GNL3L: variants seen among roughly 807,000 people sequenced by gnomAD.
GNL3L encodes the protein G protein nucleolar 3 like, also known as guanine nucleotide-binding protein-like 3-like protein.
In GNL3L, 4 loss-of-function variants were observed where a neutral mutation model predicts 42.9. The observed-to-expected ratio is 0.09, with a 90% CI of 0.05 to 0.21. The LOEUF is 0.21. Among genes scored for constraint, GNL3L ranks in the 10% least tolerant of loss-of-function variants. GNL3L has a pLI of 1.00. For synonymous variants in GNL3L, 159 were observed against 176.3 expected (o/e 0.90, Z 0.78); for missense variants, 412 against 481.7 (o/e 0.86, Z 1.36).
rs766441455 is a variant in GNL3L, at chrX:54,594,541, CTTTTTT to C, written c.*46-26296_*46-26291del. ...TCTTGTCAGCAACAGATCATTGGGC[CTTTTTT>C]TTTTTTTAAAAAAAAATCTATTCAG... On this transcript the variant is annotated intron_variant, in intron 16 of 16. Coordinates refer to the GNL3L transcript ENST00000674498. Among the ~76,000 whole-genome samples the C allele has an allele frequency of 3.5e-3, 336 of 95,133 alleles. 2 individuals are homozygous for C. The highest frequency in any genetic ancestry group is 0.012 in the African/African-American group (313 of 26,002). The allele number at this position is 95,133 out of a possible 115,157, so 82.6% of individuals were successfully genotyped here.
At chrX:54,579,356 C>A in intron 16 of GNL3L, among the ~76,000 whole-genome samples, 1 of 111,578 alleles carries the variant, frequency 9.0e-6, no homozygotes, top group Non-Finnish European at 1.9e-5. Flanking sequence ...AAAGTTAAGT[C>A]TATTACCATT....
intron 16 of GNL3L, among the ~76,000 whole-genome samples, chrX:54,607,875 A>G (rs1475498723): frequency 8.9e-6 from 1 of 111,950 alleles, no homozygotes; most frequent in African/African-American, 3.2e-5. Flanking sequence ...CAGAAGTAGA[A>G]TGAATAAATA....
rs750424924 is a variant in GNL3L, at chrX:54,562,221, T to G, written c.*1619T>G. On this transcript the variant is annotated 3_prime_UTR_variant, in exon 16 of 16. Coordinates refer to ENST00000360845, the MANE Select transcript of GNL3L (RefSeq NM_001184819.2). ...CCACCACGCCTGGCTAGTTTTTGTA[T>G]TTTTAGTAGAGACGATGTTTCACCA... is the stretch of plus-strand genomic sequence containing the variant. Among the ~76,000 whole-genome samples, 123 of 112,121 alleles carry G rather than the reference T, an allele frequency of 1.1e-3. No individual in the cohort carries two copies. Among genetic ancestry groups the G allele is most frequent in the African/African-American group, 3.6e-3 (112 of 30,884 alleles).
At chrX:54,604,284 T>A (rs1926033552) in intron 16 of GNL3L, among the ~76,000 whole-genome samples, 1 of 112,219 alleles carries the variant, frequency 8.9e-6, no homozygotes, top group African/African-American at 3.2e-5. Flanking sequence ...AATAAATCAT[T>A]ATACTGTAGT....
chrX:54,531,711 T>A (rs184190044), intron 1 of GNL3L, among the ~76,000 whole-genome samples: 2 of 111,555 alleles, frequency 1.8e-5, no homozygotes, highest in Admixed American at 1.9e-4. Context: ...ATATCGATCC[T>A]GTACCACAGC....
chrX:54,559,882 A>T (rs1925208708), intron 15 of GNL3L, among the ~76,000 whole-genome samples: 1 of 111,997 alleles, frequency 8.9e-6, no homozygotes, highest in Non-Finnish European at 1.9e-5. Flanking sequence ...AGTCCTGGGA[A>T]TTCAGATGAA....
rs1925306494 is a variant in GNL3L, at chrX:54,562,707, C to T, written c.*2105C>T. 9.1e-6 allele frequency among the ~76,000 whole-genome samples: 1 copy of T among 109,755 alleles called. No individual in the cohort carries two copies. The highest frequency in any genetic ancestry group is 3.3e-5 in the African/African-American group (1 of 30,115). The stretch of plus-strand genomic sequence containing the variant: ...ATGCAGGAGGCTGAGGCAGGAGAAT[C>T]ACTTGATCTCAGGAGGCGGAGGTTG... On this transcript the variant is annotated 3_prime_UTR_variant, in exon 16 of 16. Transcript: ENST00000360845.
Position 54,541,285 on chromosome X carries a change from A to G in GNL3L, c.202A>G (p.Arg68Gly). The change falls in exon 5 of 16, where the codon AGG becomes GGG. Residue 68 changes from arginine to glycine, a missense_variant. Transcript: ENST00000360845. The stretch of plus-strand genomic sequence containing the variant: ...GTTCACTTGTTAGGTTGAGGAGATG[A>G]GGGAGAAGCAGCAAGCCGCCCGGGA... ...ELKKKWVEEM[R>G]EKQQAAREQE... is the part of the protein sequence containing the mutation. 8.3e-7 allele frequency: 1 copy of G among 1,200,443 alleles called. No individual in the cohort carries two copies. Among genetic ancestry groups the G allele is most frequent in the Non-Finnish European group, 1.1e-6 (1 of 885,551 alleles).
At chrX:54,559,562 T>C (rs770647441) in intron 15 of GNL3L, among the ~76,000 whole-genome samples, 7 of 112,090 alleles carry the variant, frequency 6.2e-5, no homozygotes, top group Non-Finnish European at 1.3e-4. Context: ...GGGATATGTC[T>C]ATGTTAATAC....
In GNL3L at chrX:54,612,924, C is replaced by T. The variant is rs979696899; in HGVS notation, c.*46-7921C>T. 1.1e-4 allele frequency among the ~76,000 whole-genome samples: 12 copies of T among 111,625 alleles called. No homozygotes were observed. The East Asian group carries it at 1.1e-3, about 10-fold the overall frequency. The stretch of plus-strand genomic sequence containing the variant: ...ATGTGGCTAGGCGAAGATCTTTTTG[C>T]GATGAATTTTCCAGGTATTCTTTGT... On this transcript the variant is annotated intron_variant, in intron 16 of 16. Transcript: ENST00000674498.
chrX:54,594,043 A>G (rs754395747), intron 16 of GNL3L, among the ~76,000 whole-genome samples: 16 of 111,911 alleles, frequency 1.4e-4, no homozygotes, highest in Non-Finnish European at 2.8e-4. Flanking sequence ...TCCTTGAGAA[A>G]GATCCATGTG....
At chrX:54,576,410 C>G (rs66893833) in intron 16 of GNL3L, among the ~76,000 whole-genome samples, 14,661 of 111,508 alleles carry the variant, frequency 0.13, 1,430 homozygotes, top group African/African-American at 0.34. Flanking sequence ...TGTGTCCCTT[C>G]TAGACTGCAT....
chrX:54,533,349 CAG>C (rs1924320057), intron 2 of GNL3L, among the ~76,000 whole-genome samples: 4 of 97,909 alleles, frequency 4.1e-5, no homozygotes, highest in Non-Finnish European at 8.1e-5. Context: ...GTCTGGGCGA[CAG>C]AGTGAGACGC....
At chrX:54,611,418 T>C (rs1422246137) in intron 16 of GNL3L, among the ~76,000 whole-genome samples, 1 of 111,882 alleles carries the variant, frequency 8.9e-6, no homozygotes, top group Non-Finnish European at 1.9e-5. Context: ...CTTGTTTCTC[T>C]AGTTCCTTGA....
intron 16 of GNL3L, among the ~76,000 whole-genome samples, chrX:54,601,745 A>G (rs975660336): frequency 1.8e-5 from 2 of 111,638 alleles, no homozygotes; most frequent in East Asian, 5.6e-4. Context: ...GCCGTGTTTT[A>G]TTTCTTTGTA....
rs190558205 is a variant in GNL3L, at chrX:54,596,805, C to G, written c.*46-24040C>G. ...CACTCTTCCCTCTCCTTTCCAAATGCAGAGTAGGCTTATCCCATAGCCACT... is the reference window on the plus strand; with the variant it reads ...CACTCTTCCCTCTCCTTTCCAAATGGAGAGTAGGCTTATCCCATAGCCACT... On this transcript the variant is annotated intron_variant, in intron 16 of 16. Transcript: ENST00000674498. 6.5e-4 allele frequency among the ~76,000 whole-genome samples: 73 copies of G among 111,961 alleles called. 2 individuals are homozygous for G. Among genetic ancestry groups the G allele is most frequent in the African/African-American group, 2.3e-3 (71 of 30,824 alleles).
chrX:54,630,740 C>CTTTCTT, the GNL3L span, among the ~76,000 whole-genome samples: 6 of 32,677 alleles, frequency 1.8e-4, no homozygotes, highest in Admixed American at 1.0e-3. Context: ...TTCTTTCTTT[C>CTTTCTT]TCTTTCTTTC....
chrX:54,635,976 G>A, the GNL3L span, among the ~76,000 whole-genome samples: 40 of 111,264 alleles, frequency 3.6e-4, no homozygotes, highest in African/African-American at 1.3e-3. Flanking sequence ...TTGAATGTCC[G>A]AATTTCTCAA....
chrX:54,565,890 G>A lies in GNL3L; in HGVS notation c.*5288G>A, dbSNP rs1387531978. On this transcript the variant is annotated 3_prime_UTR_variant, in exon 16 of 16. Transcript: ENST00000360845. Reference sequence around the variant, plus strand: ...GGTTGGAGTGTAGTGGTGCAATCTCGGCTCACTGCAACCTCTGCCTCCTGG... The same window carrying A: ...GGTTGGAGTGTAGTGGTGCAATCTCAGCTCACTGCAACCTCTGCCTCCTGG... Among the ~76,000 whole-genome samples the A allele has an allele frequency of 1.0e-5, 1 of 98,587 alleles. No homozygotes were observed. The highest frequency in any genetic ancestry group is 3.7e-5 in the African/African-American group (1 of 26,742). 85.6% of individuals were successfully genotyped at this position (98,587 alleles called of 115,157 possible).
Sources: allele counts gnomAD v4.1 joint callset (sites outside exome capture counted in the v4.1 genomes callset), GRCh38; gene constraint gnomAD v4.1.1; transcripts MANE v1.5; gene names NCBI Gene and HGNC (gene_info 2026-07-23, HGNC 2026-07-21).